LZTS3: variants seen among roughly 807,000 people sequenced by gnomAD.
LZTS3 encodes leucine zipper putative tumor suppressor 3.
Under a neutral mutation model 50.9 loss-of-function variants are expected in LZTS3, and 16 were observed. The ratio of observed to expected loss-of-function variants is 0.31; its 90% CI spans 0.21 to 0.48. The LOEUF (loss-of-function observed/expected upper bound fraction) is 0.48, where lower values mean the gene tolerates loss of function less well. Among genes scored for constraint, LZTS3 ranks in the 20% least tolerant of loss-of-function variants. LZTS3 has a pLI of 0.99. For missense variants in LZTS3, 816 were observed against 931.0 expected (o/e 0.88, Z 1.61); for synonymous variants, 408 against 410.6 (o/e 0.99, Z 0.08).
At chr20:3,166,384 T>C (rs2066821243) in intron 3 of LZTS3, 24 bp from the exon 4 acceptor site, 1 of 1,575,910 alleles carries the variant, frequency 6.3e-7, no homozygotes, top group Non-Finnish European at 8.6e-7. Context: ...AGGAGGGGGC[T>C]GGGGGTCAGG....
Position 3,165,490 on chromosome 20 carries a change from C to A in LZTS3, c.1323+7G>T, listed in dbSNP as rs2066799259. 5 of 1,526,434 alleles carry A rather than the reference C, an allele frequency of 3.3e-6. No homozygotes were observed. In the East Asian group the frequency reaches 6.8e-5, roughly 21 times the overall value. 94.6% of individuals were successfully genotyped at this position (1,526,434 alleles called of 1,614,324 possible). A position where few individuals can be genotyped will look rare whatever the true frequency, so the allele number is the denominator to read the frequency against. On this transcript the variant is annotated splice_region_variant and intron_variant, in intron 4 of 4. Transcript: ENST00000337576. The surrounding 1 kb of genome is among the most constrained non-coding windows in gnomAD (Gnocchi z 5.0). Reference sequence around the variant, plus strand: ...GCAGAGGGGAGGCCCAGATCCCCAGCCCGCACCTCCCACTTAGTTTCCTCT... The same window carrying A: ...GCAGAGGGGAGGCCCAGATCCCCAGACCGCACCTCCCACTTAGTTTCCTCT...
chr20:3,169,519 T>C (rs11697620), intron 1 of LZTS3, among the ~76,000 whole-genome samples: 24,045 of 152,060 alleles, frequency 0.16, 2,192 homozygotes, highest in African/African-American at 0.24. Flanking sequence ...ACTGTTAACA[T>C]GATAGGGGGA....
intron 1 of LZTS3, among the ~76,000 whole-genome samples, chr20:3,172,515 G>C (rs888013201): frequency 1.3e-5 from 2 of 152,064 alleles, no homozygotes; most frequent in Non-Finnish European, 1.5e-5. Context: ...CATCCTACAT[G>C]CTTCTAGACC....
chr20:3,169,831 A>C (rs1328932366), intron 1 of LZTS3, among the ~76,000 whole-genome samples: 8 of 148,286 alleles, frequency 5.4e-5, no homozygotes, highest in African/African-American at 1.2e-4. Flanking sequence ...GTGAGCTGTA[A>C]TTGCACCACT....
Position 3,167,121 on chromosome 20 carries a change from G to T in LZTS3, c.43C>A (p.Arg15=). The T allele has an allele frequency of 1.3e-6, 2 of 1,505,340 alleles. No individual in the cohort carries two copies. The highest frequency in any genetic ancestry group is 1.3e-5 in the South Asian group (1 of 76,238). 93.2% of individuals were successfully genotyped at this position (1,505,340 alleles called of 1,614,324 possible). A position where few individuals can be genotyped will look rare whatever the true frequency, so the allele number is the denominator to read the frequency against. ...GGGGCAAAGGCCAGGAGAGGATCCC[G>T]CCCTGGGTCAGCGCGCACAGGCAGC... ...ETLPVRADPG[R]DPLLAFAPRP... Residue 15 remains arginine, a synonymous_variant, in exon 3 of 5, where the codon CGG becomes AGG. Coordinates refer to ENST00000337576, the MANE Select transcript of LZTS3 (RefSeq NM_001365618.1).
At position 3,166,193 on chromosome 20, in the gene LZTS3, C is replaced by T. The variant is rs141214534; in HGVS notation, c.627G>A (p.Ala209=). The T allele has an allele frequency of 2.9e-5, 46 of 1,613,670 alleles. No homozygotes were observed. Among genetic ancestry groups the T allele is most frequent in the Admixed American group, 3.3e-5 (2 of 59,948 alleles). The part of the protein sequence containing the change: ...GLDKSRTMTP[A]GGSGSGLSDS... ...CTGAGAGGCCACTCCCACTCCCACC[C>T]GCTGGAGTCATGGTCCGAGACTTGT... The change falls in exon 4 of 5, where the codon GCG becomes GCA. Residue 209 remains alanine (A), a synonymous_variant. Coordinates refer to ENST00000337576, the MANE Select transcript of LZTS3 (RefSeq NM_001365618.1).
In LZTS3 at chr20:3,166,907, T is replaced by C. The variant is rs1260630523; in HGVS notation, c.257A>G (p.Tyr86Cys). Residue 86 changes from tyrosine (Y) to cysteine (C), a missense_variant, in exon 3 of 5, where the codon TAC becomes TGC. Tyr to Cys is a radical substitution (Grantham distance 194). Around this residue, in one of 3 missense-constraint regions of LZTS3, gnomAD observed 700 missense variants for 769.4 expected, o/e 0.91. Transcript: ENST00000337576. ...SGASRERPGR[Y>C]PSEDKGLANS... The stretch of plus-strand genomic sequence containing the variant: ...GGCGAGACCCTTGTCCTCTGAGGGG[T>C]AGCGGCCCGGCCTCTCCCTGCTGGC... The C allele has an allele frequency of 6.2e-7, 1 of 1,612,424 alleles. No homozygotes were observed.
intron 1 of LZTS3, among the ~76,000 whole-genome samples, chr20:3,172,090 G>C (rs1006350788): frequency 2.6e-5 from 4 of 152,240 alleles, no homozygotes; most frequent in Non-Finnish European, 4.4e-5. Context: ...CCCTGCTGGG[G>C]GCTCCTCAAT....
In LZTS3 at chr20:3,165,470, G is replaced by C; in HGVS notation, c.1323+27C>G. ...CCCAGAGGGACAGAAGGGAGGCAGA[G>C]GGGAGGCCCAGATCCCCAGCCCGCA... On this transcript the variant is annotated intron_variant, in intron 4 of 4. Transcript: ENST00000337576. The surrounding 1 kb of genome is among the most constrained non-coding windows in gnomAD (Gnocchi z 5.0). 1 of 1,513,718 alleles carries C rather than the reference G, an allele frequency of 6.6e-7. No individual in the cohort carries two copies. Among genetic ancestry groups the C allele is most frequent in the East Asian group, 2.3e-5 (1 of 43,938 alleles). 93.8% of individuals were successfully genotyped at this position (1,513,718 alleles called of 1,614,324 possible). A position where few individuals can be genotyped will look rare whatever the true frequency, so the allele number is the denominator to read the frequency against.
rs113239297 is a variant in LZTS3 at position 3,165,394 on chromosome 20, C to T, written c.1323+103G>A. On this transcript the variant is annotated intron_variant, in intron 4 of 4. Transcript: ENST00000337576. The surrounding 1 kb of genome is among the most constrained non-coding windows in gnomAD (Gnocchi z 5.0). ...TTTTGTCCCCCCTGCTCCTTTCATC[C>T]CCCCCCCCATCCCACCGTTATGATA... The T allele has an allele frequency of 4.1e-6, 4 of 980,936 alleles. No homozygotes were observed. The highest frequency in any genetic ancestry group is 2.7e-5 in the Admixed American group (1 of 36,538). The allele number at this position is 980,936 out of a possible 1,614,324, so 60.8% of individuals were successfully genotyped here.
In LZTS3 at chr20:3,170,497, A is replaced by AAAAAAAAC. The variant is rs1188949988; in HGVS notation, c.-242-2537_-242-2536insGTTTTTTT. On this transcript the variant is annotated intron_variant, in intron 1 of 4. Coordinates refer to ENST00000337576, the MANE Select transcript of LZTS3 (RefSeq NM_001365618.1). The stretch of plus-strand genomic sequence containing the variant: ...GAGCGAGACTACATCAAAAAAAAAA[A>AAAAAAAAC]AAAAAAAAACAGGTTGGCGCGGTGG... Among the ~76,000 whole-genome samples, 39 of 150,234 alleles carry AAAAAAAAC rather than the reference A, an allele frequency of 2.6e-4. 1 individual carries two copies. The highest frequency in any genetic ancestry group is 9.6e-4 in the African/African-American group (39 of 40,808).
chr20:3,167,139 C>G lies in LZTS3; in HGVS notation c.25G>C (p.Val9Leu). The change falls in exon 3 of 5, where the codon GTG becomes CTG. Residue 9 changes from valine to leucine, a missense_variant. Physicochemically the swap from Val to Leu is conservative, Grantham distance 32 (BLOSUM62 1). Coordinates refer to ENST00000337576, the MANE Select transcript of LZTS3 (RefSeq NM_001365618.1). The stretch of plus-strand genomic sequence containing the variant: ...GGATCCCGCCCTGGGTCAGCGCGCA[C>G]AGGCAGCGTCTCCAGCTTCGCCATG... MAKLETLP[V>L]RADPGRDPLL... 6.7e-7 allele frequency: 1 copy of G among 1,488,878 alleles called. No homozygotes were observed. The highest frequency in any genetic ancestry group is 1.4e-5 in the South Asian group (1 of 73,142). 92.2% of individuals were successfully genotyped at this position (1,488,878 alleles called of 1,614,324 possible).
chr20:3,166,209 C>T lies in LZTS3; in HGVS notation c.611G>A (p.Arg204Gln), dbSNP rs773374471. ...GGLKGGLDKS[R>Q]TMTPAGGSGS... ...ACTCCCACCCGCTGGAGTCATGGTC[C>T]GAGACTTGTCCAGTCCGCCTTTGAG... is the stretch of plus-strand genomic sequence containing the variant. The change falls in exon 4 of 5, where the codon CGG becomes CAG. Residue 204 changes from arginine (R) to glutamine (Q), a missense_variant. Physicochemically the swap from Arg to Gln is conservative, Grantham distance 43. Around this residue, in one of 3 missense-constraint regions of LZTS3, gnomAD observed 700 missense variants for 769.4 expected, o/e 0.91. Coordinates refer to ENST00000337576, the MANE Select transcript of LZTS3 (RefSeq NM_001365618.1). The T allele has an allele frequency of 1.6e-5, 26 of 1,613,610 alleles. No individual in the cohort carries two copies. The highest frequency in any genetic ancestry group is 4.4e-5 in the South Asian group (4 of 91,022).
rs11905985 is a variant in LZTS3, at chr20:3,165,178, A to G, written c.1324-26T>C. ...CTGGGCAGGAACAGGTGAGAGGAGA[A>G]GCCAGGTAAAGGCAGAGCTCTGCTC... On this transcript the variant is annotated intron_variant, in intron 4 of 4. Coordinates refer to ENST00000337576, the MANE Select transcript of LZTS3 (RefSeq NM_001365618.1). This position sits in a 1 kb window ranked among gnomAD's most constrained non-coding sequence, Gnocchi z 5.0. The G allele has an allele frequency of 3.6e-3, 5,334 of 1,498,510 alleles. 183 individuals carry two copies. The African/African-American group carries it at 0.066, about 18-fold the overall frequency. 92.8% of individuals were successfully genotyped at this position (1,498,510 alleles called of 1,614,324 possible).
rs2066754503 is a variant in LZTS3, at chr20:3,162,933, A to G, written c.*1521T>C. The G allele has an allele frequency of 6.6e-6, 1 of 152,452 alleles. No individual in the cohort carries two copies. The allele number at this position is 152,452 out of a possible 1,614,324, so 9.4% of individuals were successfully genotyped here. ...TGAGGACCACCCAGAAGGGCTGTGCAGAGGGTTAGAGGCCACACAGAGGGG... is the reference window on the plus strand; with the variant it reads ...TGAGGACCACCCAGAAGGGCTGTGCGGAGGGTTAGAGGCCACACAGAGGGG... On this transcript the variant is annotated 3_prime_UTR_variant, in exon 5 of 5. Coordinates refer to ENST00000337576, the MANE Select transcript of LZTS3 (RefSeq NM_001365618.1). This position sits in a 1 kb window ranked among gnomAD's most constrained non-coding sequence, Gnocchi z 5.0.
At chr20:3,172,520 T>A (rs1006816415) in intron 1 of LZTS3, among the ~76,000 whole-genome samples, 1 of 152,126 alleles carries the variant, frequency 6.6e-6, no homozygotes, top group Non-Finnish European at 1.5e-5. Flanking sequence ...TACATGCTTC[T>A]AGACCAGTTC....
At chr20:3,171,444 T>C (rs1301913768) in intron 1 of LZTS3, among the ~76,000 whole-genome samples, 1 of 152,092 alleles carries the variant, frequency 6.6e-6, no homozygotes, top group African/African-American at 2.4e-5. Flanking sequence ...GTTAACCCCT[T>C]GCAAGCATGC....
At chr20:3,170,342 T>G (rs2066886363) in intron 1 of LZTS3, among the ~76,000 whole-genome samples, 1 of 147,754 alleles carries the variant, frequency 6.8e-6, no homozygotes, top group African/African-American at 2.5e-5. Context: ...ATACAAAAAA[T>G]TAGCTGGGCG....
At chr20:3,171,865 G>T (rs990689730) in intron 1 of LZTS3, among the ~76,000 whole-genome samples, 3 of 152,130 alleles carry the variant, frequency 2.0e-5, no homozygotes, top group Admixed American at 2.0e-4. Context: ...CTCGATCTCT[G>T]TCACCTCAGC....
Sources: gnomAD v4.1 joint callset for allele counts (sites outside exome capture counted in the v4.1 genomes callset) on GRCh38, gnomAD v4.1.1 for gene constraint, gnomAD v4.1.1 regional missense constraint, Gnocchi (gnomAD v3.1) non-coding constraint, MANE v1.5 for transcripts, NCBI Gene and HGNC (gene_info 2026-07-23, HGNC 2026-07-21) for gene names.